SPIDR: variants seen among roughly 807,000 people sequenced by gnomAD.
SPIDR encodes the protein DNA repair-scaffolding protein.
Under a neutral mutation model 104.6 loss-of-function variants are expected in SPIDR, and 93 were observed. That is an observed-to-expected ratio of 0.89 (90% CI 0.75 to 1.06). The LOEUF is 1.06. SPIDR is among the 50% of genes least tolerant of loss of function. The pLI, the probability that SPIDR is intolerant of heterozygous loss-of-function variation, is 0.00. For missense variants in SPIDR, 1,154 were observed against 1,111.2 expected, an observed-to-expected ratio of 1.04 and a Z score of -0.55; for synonymous variants, 431 against 416.9, an observed-to-expected ratio of 1.03 and a Z score of -0.41.
intron 1 of SPIDR, among the ~76,000 whole-genome samples, chr8:47,267,682 G>A (rs148298442): frequency 8.3e-4 from 126 of 152,200 alleles, no homozygotes; most frequent in South Asian, 4.8e-3. Context: ...ATTTGGCTGC[G>A]TTTTCATTGG....
chr8:47,682,315 T>TGTG (rs527781886), intron 11 of SPIDR, among the ~76,000 whole-genome samples: 17 of 150,370 alleles, frequency 1.1e-4, no homozygotes, highest in African/African-American at 3.4e-4. Context: ...ACTCCCGTAT[T>TGTG]GTGAAATGTC....
At chr8:47,280,590 A>C (rs916386944) in intron 2 of SPIDR, among the ~76,000 whole-genome samples, 35 of 151,996 alleles carry the variant, frequency 2.3e-4, no homozygotes, top group African/African-American at 7.5e-4. Flanking sequence ...ACTGGGTTTC[A>C]CCATGTTGGC....
At chr8:47,339,749 G>A (rs1341461186) in intron 5 of SPIDR, among the ~76,000 whole-genome samples, 1 of 143,762 alleles carries the variant, frequency 7.0e-6, no homozygotes, top group Non-Finnish European at 1.5e-5. Context: ...GTGTGATCTC[G>A]GCTCACTGCA....
intron 5 of SPIDR, among the ~76,000 whole-genome samples, chr8:47,376,050 A>G (rs569851484): frequency 7.9e-4 from 121 of 152,344 alleles, no homozygotes; most frequent in Non-Finnish European, 1.0e-3. Context: ...TTTCAAAATC[A>G]TCTCTCACTG....
intron 8 of SPIDR, among the ~76,000 whole-genome samples, chr8:47,484,891 A>G (rs2077337727): frequency 6.6e-6 from 1 of 152,212 alleles, no homozygotes; most frequent in Non-Finnish European, 1.5e-5. Flanking sequence ...CTGAATAGGA[A>G]CAGCTCCAGT....
intron 11 of SPIDR, among the ~76,000 whole-genome samples, chr8:47,686,853 C>CT (rs2077892936): frequency 6.6e-6 from 1 of 152,022 alleles, no homozygotes; most frequent in Admixed American, 6.5e-5. Context: ...CAGCAATAAA[C>CT]TATCTATAGT....
chr8:47,461,379 C>T (rs1336050756), intron 8 of SPIDR, among the ~76,000 whole-genome samples: 5 of 152,142 alleles, frequency 3.3e-5, no homozygotes, highest in Non-Finnish European at 7.3e-5. Flanking sequence ...GGCTGGAGTG[C>T]AGTGGCACAA....
chr8:47,493,471 G>T (rs2079033230), intron 8 of SPIDR, among the ~76,000 whole-genome samples: 1 of 151,818 alleles, frequency 6.6e-6, no homozygotes, highest in Non-Finnish European at 1.5e-5. Context: ...ATTGTGCTTT[G>T]TTTTTTAACA....
At chr8:47,350,619 T>A (rs1036240198) in intron 5 of SPIDR, among the ~76,000 whole-genome samples, 27 of 152,232 alleles carry the variant, frequency 1.8e-4, no homozygotes, top group African/African-American at 6.5e-4. Context: ...TGGCCTAATT[T>A]CTTAAATAAA....
intron 8 of SPIDR, chr8:47,592,207 G>A: frequency 1.5e-6 from 2 of 1,353,894 alleles, no homozygotes; most frequent in Non-Finnish European, 2.1e-6. Flanking sequence ...CTTGGGCTTT[G>A]TTGGTCTTCC....
chr8:47,292,776 C>T (rs1416144669), intron 4 of SPIDR, among the ~76,000 whole-genome samples: 2 of 151,964 alleles, frequency 1.3e-5, no homozygotes, highest in African/African-American at 2.4e-5. Flanking sequence ...TTGTGGGCTA[C>T]TTCAGGCTAG....
chr8:47,407,623 T>G (rs2062941442), intron 6 of SPIDR, among the ~76,000 whole-genome samples: 1 of 152,226 alleles, frequency 6.6e-6, no homozygotes, highest in Non-Finnish European at 1.5e-5. Context: ...GAATGTGATG[T>G]TTTTGGACAT....
chr8:47,536,089 AATAT>A (rs147707352), intron 8 of SPIDR, among the ~76,000 whole-genome samples: 21 of 149,680 alleles, frequency 1.4e-4, no homozygotes, highest in African/African-American at 4.4e-4. Context: ...ATAATCTAAA[AATAT>A]ATATATATAT....
chr8:47,343,881 A>G lies in SPIDR; in HGVS notation c.525+49851A>G, dbSNP rs530001117. ...AGAATTGTCCTTCGGGGGGGAAAAG[A>G]AAATGCTTGTAGGACATTCTTACGT... On this transcript the variant is annotated intron_variant, in intron 5 of 19. Transcript: ENST00000297423. Among the ~76,000 whole-genome samples the G allele has an allele frequency of 3.9e-5, 6 of 152,240 alleles. No homozygotes were observed. The East Asian group carries it at 9.7e-4, about 25-fold the overall frequency.
intron 7 of SPIDR, among the ~76,000 whole-genome samples, chr8:47,414,004 T>C: frequency 6.6e-6 from 1 of 152,150 alleles, no homozygotes; most frequent in East Asian, 1.9e-4. Flanking sequence ...AATACAAATG[T>C]TTTTCTTTTG....
chr8:47,430,593 A>C (rs2067189616), intron 7 of SPIDR, among the ~76,000 whole-genome samples: 1 of 152,138 alleles, frequency 6.6e-6, no homozygotes, highest in East Asian at 1.9e-4. Flanking sequence ...CCGGATGCCC[A>C]CGTGCTCCTG....
intron 5 of SPIDR, among the ~76,000 whole-genome samples, chr8:47,338,273 T>C (rs1023818796): frequency 2.6e-5 from 4 of 152,218 alleles, no homozygotes; most frequent in Non-Finnish European, 5.9e-5. Flanking sequence ...TTAAAAGATA[T>C]GTTGTTCTAC....
chr8:47,315,915 A>T (rs2045255907), intron 5 of SPIDR, among the ~76,000 whole-genome samples: 1 of 152,196 alleles, frequency 6.6e-6, no homozygotes, highest in Non-Finnish European at 1.5e-5. Flanking sequence ...TTTAGAATAA[A>T]CAAAGAACAG....
intron 8 of SPIDR, among the ~76,000 whole-genome samples, chr8:47,533,028 T>C (rs1352633305): frequency 1.3e-5 from 2 of 151,940 alleles, no homozygotes; most frequent in Non-Finnish European, 2.9e-5. Flanking sequence ...CCAAGAGAAA[T>C]TTAAAATATT....
Sources: allele counts gnomAD v4.1 joint callset (sites outside exome capture counted in the v4.1 genomes callset), GRCh38; gene constraint gnomAD v4.1.1; transcripts MANE v1.5; gene names NCBI Gene and HGNC (gene_info 2026-07-23, HGNC 2026-07-21).